Variants in CCDC69 observed in about 807,000 individuals in gnomAD.
CCDC69 encodes coiled-coil domain-containing protein 69.
A neutral mutation model predicts 40.3 loss-of-function variants in CCDC69; 38 were observed. The ratio of observed to expected loss-of-function variants is 0.94; its 90% CI spans 0.73 to 1.24. The LOEUF (loss-of-function observed/expected upper bound fraction) is 1.24. Among genes scored for constraint, CCDC69 ranks in the 50% most tolerant of loss-of-function variants. The pLI is 0.00. For synonymous variants in CCDC69, 141 were observed against 138.9 expected (o/e 1.02, Z -0.11); for missense variants, 389 against 357.9 (o/e 1.09, Z -0.70).
chr5:151,203,308 G>C (rs1752801473), intron 2 of CCDC69, among the ~76,000 whole-genome samples: 1 of 151,680 alleles, frequency 6.6e-6, no homozygotes, highest in Admixed American at 6.6e-5. Context: ...TCAGGAGTTC[G>C]AGACCAGCCT....
At chr5:151,216,480 G>A (rs532913624) in intron 1 of CCDC69, among the ~76,000 whole-genome samples, 31 of 143,332 alleles carry the variant, frequency 2.2e-4, no homozygotes, top group Admixed American at 3.5e-4. Flanking sequence ...GCAGTGGTGC[G>A]ATCTCGGCTC....
At chr5:151,183,784 G>A (rs757632204) in intron 8 of CCDC69, among the ~76,000 whole-genome samples, 170 bp from the exon 9 acceptor site, 1 of 152,208 alleles carries the variant, frequency 6.6e-6, no homozygotes, top group Non-Finnish European at 1.5e-5. Flanking sequence ...TGACCAAGGA[G>A]CGGGGGCCTC....
intron 2 of CCDC69, 59 bp downstream of exon 2, chr5:151,205,341 A>G (rs1752838119): frequency 2.3e-6 from 3 of 1,288,098 alleles, no homozygotes; most frequent in Admixed American, 1.7e-5. Context: ...ATCTGTGTTG[A>G]TTATAAGGTA....
At chr5:151,194,726 C>T (rs1752669886) in intron 4 of CCDC69, among the ~76,000 whole-genome samples, 1 of 151,948 alleles carries the variant, frequency 6.6e-6, no homozygotes, top group Admixed American at 6.6e-5. Flanking sequence ...AACACTGTCT[C>T]TACTAAAAAT....
chr5:151,183,438 T>TA lies in CCDC69; in HGVS notation c.889dup (p.Ter297LeufsTer12). 1 of 1,600,276 alleles carries TA rather than the reference T, an allele frequency of 6.2e-7. No individual in the cohort carries two copies. The highest frequency in any genetic ancestry group is 8.5e-7 in the Non-Finnish European group (1 of 1,174,874). On this transcript the variant is annotated frameshift_variant and stop_lost, in exon 9 of 9. Transcript: ENST00000355417. LOFTEE classifies it high-confidence loss of function. Reference sequence around the variant, plus strand: ...CGTGGTGGGCCCAGGCCCTGCACCCTATGTGGCGAGGAAAGAGACCTCAGT... The same window carrying TA: ...CGTGGTGGGCCCAGGCCCTGCACCCTAATGTGGCGAGGAAAGAGACCTCAGT...
At chr5:151,191,801 G>T (rs960042025) in intron 4 of CCDC69, among the ~76,000 whole-genome samples, 3 of 152,206 alleles carry the variant, frequency 2.0e-5, no homozygotes, top group African/African-American at 7.2e-5. Context: ...ATCAGGAAAA[G>T]GTATCAGGCC....
At chr5:151,186,172 G>T in intron 5 of CCDC69, 48 bp from the exon 6 acceptor site, 1 of 1,310,076 alleles carries the variant, frequency 7.6e-7, no homozygotes, top group Non-Finnish European at 1.1e-6. Context: ...CCTCATAAAT[G>T]CTGTAGGTGA....
rs12654727 is a variant in CCDC69 at position 151,182,313 on chromosome 5, C to G, written c.*1124G>C. The G allele has an allele frequency of 0.097, 14,800 of 152,414 alleles. 949 individuals carry two copies. The highest frequency in any genetic ancestry group is 0.18 in the African/African-American group (7,596 of 41,496). 9.4% of individuals were successfully genotyped at this position (152,414 alleles called of 1,614,324 possible). A position where few individuals can be genotyped will look rare whatever the true frequency, so the allele number is the denominator to read the frequency against. On this transcript the variant is annotated 3_prime_UTR_variant, in exon 9 of 9. Coordinates refer to ENST00000355417, the MANE Select transcript of CCDC69 (RefSeq NM_015621.3). Reference sequence around the variant, plus strand: ...AAATCCACAGACTATCAGGACTGGACGGCCTGCTGAGGTTAGTTACTCTAG... The same window carrying G: ...AAATCCACAGACTATCAGGACTGGAGGGCCTGCTGAGGTTAGTTACTCTAG...
chr5:151,203,491 A>G (rs1752804740), intron 2 of CCDC69, among the ~76,000 whole-genome samples: 1 of 150,522 alleles, frequency 6.6e-6, no homozygotes, highest in South Asian at 2.1e-4. Context: ...GCCTGGCAAC[A>G]AGAGTGAAAC....
intron 4 of CCDC69, among the ~76,000 whole-genome samples, chr5:151,195,262 T>C (rs1490342941): frequency 6.6e-6 from 1 of 152,176 alleles, no homozygotes; most frequent in Admixed American, 6.5e-5. Context: ...TATTAATATA[T>C]TTGTAACGCT....
At chr5:151,192,707 A>G (rs1752630789) in intron 4 of CCDC69, among the ~76,000 whole-genome samples, 1 of 152,234 alleles carries the variant, frequency 6.6e-6, no homozygotes, top group Non-Finnish European at 1.5e-5. Context: ...TAGTGTAAGA[A>G]AACTACAGGC....
At chr5:151,201,938 C>T (rs573622612) in intron 2 of CCDC69, among the ~76,000 whole-genome samples, 7 of 151,388 alleles carry the variant, frequency 4.6e-5, no homozygotes, top group East Asian at 3.9e-4. Flanking sequence ...AGAATGATTT[C>T]GAGTGGGACC....
chr5:151,219,377 C>T (rs1200509996), intron 1 of CCDC69, among the ~76,000 whole-genome samples: 3 of 151,994 alleles, frequency 2.0e-5, no homozygotes, highest in Non-Finnish European at 4.4e-5. Context: ...CTTCCTTGAC[C>T]CCCCCGAGTC....
chr5:151,219,403 C>G (rs767861685), intron 1 of CCDC69, among the ~76,000 whole-genome samples: 11 of 151,946 alleles, frequency 7.2e-5, no homozygotes, highest in Non-Finnish European at 1.6e-4. Context: ...CCACACTGGC[C>G]CCAGGTAGGA....
rs780016023 is a variant in CCDC69 at position 151,185,465 on chromosome 5, C to T, written c.572G>A (p.Arg191His). 51 of 1,613,832 alleles carry T rather than the reference C, an allele frequency of 3.2e-5. No individual in the cohort carries two copies. Among genetic ancestry groups the T allele is most frequent in the African/African-American group, 4.0e-5 (3 of 74,944 alleles). Residue 191 changes from arginine (R) to histidine (H), a missense_variant, in exon 7 of 9, where the codon CGT (arginine) becomes CAT (histidine). Physicochemically the swap from Arg to His is conservative, Grantham distance 29 (BLOSUM62 0). Coordinates refer to ENST00000355417, the MANE Select transcript of CCDC69 (RefSeq NM_015621.3). ...CAGCCGCCTGTCCAGCTCATGAATA[C>T]GCTCATTCTTCATCTCGATGACAAA... is the stretch of plus-strand genomic sequence containing the variant. Reference protein sequence around the residue: ...LHFVIEMKNERIHELDRRLIL... With the variant: ...LHFVIEMKNEHIHELDRRLIL...
intron 1 of CCDC69, among the ~76,000 whole-genome samples, chr5:151,206,488 G>C (rs781755811): frequency 1.3e-5 from 2 of 152,224 alleles, no homozygotes; most frequent in Non-Finnish European, 2.9e-5. Flanking sequence ...AGAGGAATAA[G>C]TAATACAAAA....
rs1766627970 is a variant in CCDC69, at chr5:151,181,456, G to A, written c.*1981C>T. 1 of 152,280 alleles carries A rather than the reference G, an allele frequency of 6.6e-6. No homozygotes were observed. Among genetic ancestry groups the A allele is most frequent in the African/African-American group, 2.4e-5 (1 of 41,432 alleles). The allele number at this position is 152,280 out of a possible 1,614,324, so 9.4% of individuals were successfully genotyped here. On this transcript the variant is annotated 3_prime_UTR_variant, in exon 9 of 9. Transcript: ENST00000355417. ...GATGGTCTCAATCTCCCAACCTTGT[G>A]ATCCACCCACCTCGGCCTCCCAAAG...
intron 4 of CCDC69, among the ~76,000 whole-genome samples, chr5:151,192,116 G>GAAAAA (rs1224418046): frequency 1.4e-5 from 1 of 69,344 alleles, no homozygotes; most frequent in Non-Finnish European, 3.0e-5. Flanking sequence ...AGAATGAAAA[G>GAAAAA]AAATAAAAAA....
rs774510231 is a variant in CCDC69, at chr5:151,224,008, C to T, written c.-38G>A. ...GCTCCCGGACGCCGCTTCCCAACTC[C>T]GGGGCCCCCAGAGGAGCCTGCGATC... On this transcript the variant is annotated 5_prime_UTR_variant, in exon 1 of 9. Coordinates refer to ENST00000355417, the MANE Select transcript of CCDC69 (RefSeq NM_015621.3). The T allele has an allele frequency of 3.2e-6, 5 of 1,538,490 alleles. No individual in the cohort carries two copies. The highest frequency in any genetic ancestry group is 8.7e-7 in the Non-Finnish European group (1 of 1,148,904).
Sources: allele counts gnomAD v4.1 joint callset (sites outside exome capture counted in the v4.1 genomes callset), GRCh38; gene constraint gnomAD v4.1.1; transcripts MANE v1.5; gene names NCBI Gene and HGNC (gene_info 2026-07-23, HGNC 2026-07-21).